RIMBP2: variants seen among roughly 807,000 people sequenced by gnomAD.
RIMBP2 encodes the protein RIMS-binding protein 2.
In RIMBP2, 48 loss-of-function variants were observed where a neutral mutation model predicts 118.6. That is an observed-to-expected ratio of 0.40 (90% confidence interval 0.32 to 0.51). The LOEUF is 0.51. RIMBP2 is among the 20% of genes least tolerant of loss of function. RIMBP2 has a pLI of 0.41. For missense variants in RIMBP2, 1,551 were observed against 1,768.3 expected, an observed-to-expected ratio of 0.88 and a Z score of 2.20; for synonymous variants, 762 against 742.9, an observed-to-expected ratio of 1.03 and a Z score of -0.42.
chr12:130,546,462 AT>A (rs2055178354), intron 2 of RIMBP2, among the ~76,000 whole-genome samples: 1 of 151,732 alleles, frequency 6.6e-6, no homozygotes, highest in African/African-American at 2.4e-5. Context: ...CATCCACCCA[AT>A]TTTTGTATTT....
At chr12:130,508,107 C>A (rs1376778394) in intron 3 of RIMBP2, among the ~76,000 whole-genome samples, 1 of 152,102 alleles carries the variant, frequency 6.6e-6, no homozygotes, top group Non-Finnish European at 1.5e-5. Flanking sequence ...ATGTCACGAC[C>A]TATTTGAATT....
chr12:130,535,732 T>TATATACACATATAC (rs2053978497), intron 2 of RIMBP2, among the ~76,000 whole-genome samples: 1 of 19,486 alleles, frequency 5.1e-5, no homozygotes, highest in African/African-American at 8.4e-5. Context: ...TATATACATA[T>TATATACACATATAC]ATATACATAT....
At chr12:130,594,285 G>C (rs1016749665) in intron 2 of RIMBP2, among the ~76,000 whole-genome samples, 9 of 152,218 alleles carry the variant, frequency 5.9e-5, no homozygotes, top group African/African-American at 2.2e-4. Flanking sequence ...CTGAGCTCTT[G>C]CCAGAGAACT....
rs921478302 is a variant in RIMBP2 at position 130,445,020 on chromosome 12, G to A, written c.691+140C>T. 2.8e-5 allele frequency: 16 copies of A among 562,798 alleles called. No homozygotes were observed. The Admixed American group carries it at 4.5e-4, about 16-fold the overall frequency. 34.9% of individuals were successfully genotyped at this position (562,798 alleles called of 1,614,324 possible). ...AGAGGGCAAACCTGGTAACTACGGA[G>A]TGGGGAAGGGTCAGAGAGGAGGGCT... On this transcript the variant is annotated intron_variant, in intron 10 of 22. Coordinates refer to ENST00000690449, the MANE Select transcript of RIMBP2 (RefSeq NM_001393629.1).
intron 1 of RIMBP2, among the ~76,000 whole-genome samples, chr12:130,713,525 A>G (rs954123530): frequency 1.3e-5 from 2 of 152,244 alleles, no homozygotes; most frequent in Non-Finnish European, 2.9e-5. Flanking sequence ...CACTACCACT[A>G]TCTACACGGG....
intron 4 of RIMBP2, among the ~76,000 whole-genome samples, chr12:130,494,775 C>CTTG (rs2048984999): frequency 6.6e-6 from 1 of 152,222 alleles, no homozygotes; most frequent in Non-Finnish European, 1.5e-5. Context: ...GTCCAGAGCA[C>CTTG]TTGGCCTTAT....
chr12:130,676,271 G>A (rs537376846), intron 1 of RIMBP2, among the ~76,000 whole-genome samples: 1 of 144,754 alleles, frequency 6.9e-6, no homozygotes, highest in Non-Finnish European at 1.5e-5. Flanking sequence ...ATTCTTAACT[G>A]CCCAAAATTG....
chr12:130,503,828 G>A (rs556830426), intron 4 of RIMBP2, among the ~76,000 whole-genome samples: 170 of 152,304 alleles, frequency 1.1e-3, no homozygotes, highest in Non-Finnish European at 2.1e-3. Context: ...CTCTGAGGTG[G>A]TATATCTTAG....
chr12:130,630,424 T>C (rs902481099), intron 1 of RIMBP2, among the ~76,000 whole-genome samples: 13 of 152,072 alleles, frequency 8.5e-5, no homozygotes, highest in African/African-American at 2.7e-4. Context: ...AATTCCTATA[T>C]ATATATGTAT....
At chr12:130,687,007 C>T (rs2065082839) in intron 1 of RIMBP2, among the ~76,000 whole-genome samples, 1 of 152,226 alleles carries the variant, frequency 6.6e-6, no homozygotes. Flanking sequence ...AGACCCGCTT[C>T]CAAATAAAAT....
At chr12:130,544,119 G>A (rs1487116188) in intron 2 of RIMBP2, among the ~76,000 whole-genome samples, 1 of 152,134 alleles carries the variant, frequency 6.6e-6, no homozygotes, top group East Asian at 1.9e-4. Context: ...CCTTTCCCCT[G>A]TCTCTCCATT....
At chr12:130,543,901 G>T (rs1467065340) in intron 2 of RIMBP2, among the ~76,000 whole-genome samples, 1 of 152,182 alleles carries the variant, frequency 6.6e-6, no homozygotes, top group Non-Finnish European at 1.5e-5. Context: ...TGTCCTGCTA[G>T]GCACTCAGGA....
At chr12:130,571,974 C>T (rs1029142717) in intron 2 of RIMBP2, among the ~76,000 whole-genome samples, 1 of 152,214 alleles carries the variant, frequency 6.6e-6, no homozygotes, top group African/African-American at 2.4e-5. Flanking sequence ...CGGCCTGTCC[C>T]GGCGCCCTCG....
At chr12:130,454,865 G>T (rs1292821190) in intron 7 of RIMBP2, among the ~76,000 whole-genome samples, 1 of 152,204 alleles carries the variant, frequency 6.6e-6, no homozygotes, top group Non-Finnish European at 1.5e-5. Context: ...GTTTACAGAA[G>T]GGCCAGCTTG....
intron 3 of RIMBP2, among the ~76,000 whole-genome samples, chr12:130,512,008 C>A (rs1423934461): frequency 6.6e-6 from 1 of 152,208 alleles, no homozygotes; most frequent in Admixed American, 6.5e-5. Context: ...ATAACCCCAG[C>A]TGATAAACCT....
chr12:130,698,401 G>A (rs1389969117), intron 1 of RIMBP2, among the ~76,000 whole-genome samples: 5 of 152,272 alleles, frequency 3.3e-5, no homozygotes, highest in East Asian at 1.9e-4. Context: ...TGTCAGGAAG[G>A]GACAAGCATG....
chr12:130,580,055 G>A (rs968718602), intron 2 of RIMBP2, among the ~76,000 whole-genome samples: 13 of 142,722 alleles, frequency 9.1e-5, no homozygotes, highest in East Asian at 4.0e-4. Flanking sequence ...AAAATTAGCC[G>A]GGCATGGTGG....
At chr12:130,628,030 A>G (rs2061753602) in intron 2 of RIMBP2, among the ~76,000 whole-genome samples, 1 of 152,218 alleles carries the variant, frequency 6.6e-6, no homozygotes, top group Admixed American at 6.5e-5. Flanking sequence ...GAGGTCCTGA[A>G]TGAACTGCCC....
intron 2 of RIMBP2, among the ~76,000 whole-genome samples, chr12:130,547,356 C>A (rs2055281481): frequency 6.6e-6 from 1 of 152,162 alleles, no homozygotes; most frequent in African/African-American, 2.4e-5. Flanking sequence ...CACAGTTGTG[C>A]GGATTGTTTA....
Sources: allele counts gnomAD v4.1 joint callset (sites outside exome capture counted in the v4.1 genomes callset), GRCh38; gene constraint gnomAD v4.1.1; transcripts MANE v1.5; gene names NCBI Gene and HGNC (gene_info 2026-07-23, HGNC 2026-07-21).